Variants in ZNF423 observed in about 807,000 individuals in gnomAD.
The protein encoded by ZNF423 is zinc finger protein 423.
In ZNF423, 12 loss-of-function variants were observed where a neutral mutation model predicts 95.8. The ratio of observed to expected loss-of-function variants is 0.13; its 90% CI spans 0.08 to 0.20. The LOEUF (loss-of-function observed/expected upper bound fraction) is 0.20, where lower values mean the gene tolerates loss of function less well. ZNF423 is among the 10% of genes least tolerant of loss of function. The pLI, the probability that ZNF423 is intolerant of heterozygous loss-of-function variation, is 1.00. For synonymous variants in ZNF423, 749 were observed against 711.9 expected (o/e 1.05, Z -0.83); for missense variants, 1,316 against 1,737.1 (o/e 0.76, Z 4.31).
chr16:49,730,728 C>G (rs767985945), intron 3 of ZNF423, 43 bp downstream of exon 3: 1 of 1,604,080 alleles, frequency 6.2e-7, no homozygotes, highest in Non-Finnish European at 8.5e-7. Context: ...GTCCAATTAC[C>G]CGTGTAACCA....
chr16:49,827,014 ATAGT>A (rs2035011888), intron 1 of ZNF423: 1 of 152,190 alleles, frequency 6.6e-6, no homozygotes, highest in South Asian at 2.1e-4. Context: ...TTTCTTCTCT[ATAGT>A]TTTGTGTAGT....
At position 49,634,454 on chromosome 16, in the gene ZNF423, G is replaced by A. The variant is rs1187999138; in HGVS notation, c.3516+1206C>T. On this transcript the variant is annotated intron_variant, in intron 4 of 7. Coordinates refer to ENST00000563137, the MANE Select transcript of ZNF423 (RefSeq NM_001379286.1). ...CCTGTGTGTAACACCAGAAGTCAAG[G>A]TCAGCAGGCACTGAGGCCCCTTCCG... 2.0e-5 allele frequency among the ~76,000 whole-genome samples: 3 copies of A among 152,048 alleles called. No homozygotes were observed. The South Asian group carries it at 6.2e-4, about 31-fold the overall frequency.
intron 1 of ZNF423, among the ~76,000 whole-genome samples, chr16:49,841,527 A>G (rs2035182585): frequency 6.6e-6 from 1 of 152,216 alleles, no homozygotes; most frequent in African/African-American, 2.4e-5. Flanking sequence ...AGGGGTGCCC[A>G]TTAGAGGCTA....
intron 1 of ZNF423, among the ~76,000 whole-genome samples, chr16:49,807,639 T>C (rs2034686238): frequency 6.6e-6 from 1 of 152,180 alleles, no homozygotes; most frequent in South Asian, 2.1e-4. Context: ...CTTGGCCCCA[T>C]TGCCCACCCA....
At chr16:49,660,264 G>A (rs2030138257) in intron 3 of ZNF423, among the ~76,000 whole-genome samples, 1 of 152,188 alleles carries the variant, frequency 6.6e-6, no homozygotes, top group African/African-American at 2.4e-5. Context: ...CTTGGTAACT[G>A]TGGCATGAAT....
intron 4 of ZNF423, among the ~76,000 whole-genome samples, chr16:49,629,445 T>G (rs775629225): frequency 6.6e-6 from 1 of 152,186 alleles, no homozygotes; most frequent in Non-Finnish European, 1.5e-5. Flanking sequence ...CACCCACAGT[T>G]CCCTAAGTAA....
intron 5 of ZNF423, among the ~76,000 whole-genome samples, chr16:49,590,887 G>A (rs889022990): frequency 2.6e-5 from 4 of 152,196 alleles, no homozygotes; most frequent in Non-Finnish European, 5.9e-5. Flanking sequence ...AGAGAAGGAG[G>A]GGAAAGTCAC....
chr16:49,511,622 G>A (rs1217722287), intron 7 of ZNF423, among the ~76,000 whole-genome samples: 1 of 152,222 alleles, frequency 6.6e-6, no homozygotes, highest in East Asian at 1.9e-4. Flanking sequence ...GCTCAGGCCT[G>A]TGCCTTGGGC....
chr16:49,859,157 G>A (rs1410356472), upstream of ZNF423, among the ~76,000 whole-genome samples: 2 of 152,108 alleles, frequency 1.3e-5, no homozygotes, highest in African/African-American at 4.8e-5. Context: ...GGGGTGGTTG[G>A]AGTCCCACGG....
At chr16:49,826,095 C>A (rs1337350517) in intron 1 of ZNF423, among the ~76,000 whole-genome samples, 6 of 152,150 alleles carry the variant, frequency 3.9e-5, no homozygotes, top group African/African-American at 1.4e-4. Flanking sequence ...ACCTGTAGTC[C>A]CAGCTCCTCA....
At chr16:49,593,842 C>T (rs890512065) in intron 5 of ZNF423, among the ~76,000 whole-genome samples, 2 of 152,136 alleles carry the variant, frequency 1.3e-5, no homozygotes, top group Non-Finnish European at 2.9e-5. Context: ...GCCGCGGAGG[C>T]AACACACTAC....
chr16:49,629,689 G>A lies in ZNF423; in HGVS notation c.3517-3435C>T, dbSNP rs976465371. ...TGCACCATGAGCACCCAGAGAGCCA[G>A]GAATGTGTTTTGTCTACCTTTGAGG... is the stretch of plus-strand genomic sequence containing the variant. On this transcript the variant is annotated intron_variant, in intron 4 of 7. Transcript: ENST00000563137. Among the ~76,000 whole-genome samples, 3 of 152,230 alleles carry A rather than the reference G, an allele frequency of 2.0e-5. No homozygotes were observed. In the East Asian group the frequency reaches 5.8e-4, roughly 29 times the overall value.
intron 1 of ZNF423, among the ~76,000 whole-genome samples, chr16:49,799,442 C>T (rs1432716487): frequency 6.6e-6 from 1 of 151,662 alleles, no homozygotes; most frequent in Non-Finnish European, 1.5e-5. Context: ...GAATGCCCAG[C>T]TAGAGCCACA....
chr16:49,645,790 T>C (rs1973149766), intron 3 of ZNF423, among the ~76,000 whole-genome samples: 1 of 152,180 alleles, frequency 6.6e-6, no homozygotes, highest in Non-Finnish European at 1.5e-5. Context: ...CCCATGCTAT[T>C]CTAGCGATAG....
intron 1 of ZNF423, among the ~76,000 whole-genome samples, chr16:49,822,164 C>T (rs1474989481): frequency 6.9e-6 from 1 of 144,282 alleles, no homozygotes; most frequent in East Asian, 2.0e-4. Flanking sequence ...CTAAGTCACC[C>T]CCGCAGGAAT....
At chr16:49,672,931 G>A (rs1414309839) in intron 3 of ZNF423, among the ~76,000 whole-genome samples, 1 of 152,200 alleles carries the variant, frequency 6.6e-6, no homozygotes, top group Non-Finnish European at 1.5e-5. Context: ...CACGCGGTGT[G>A]ATCTATGGGC....
At chr16:49,770,410 G>A (rs1033031896) in intron 2 of ZNF423, among the ~76,000 whole-genome samples, 8 of 152,192 alleles carry the variant, frequency 5.3e-5, no homozygotes, top group African/African-American at 1.9e-4. Context: ...TATAGTGTGA[G>A]CCTGGTGCTA....
intron 5 of ZNF423, 131 bp downstream of exon 5, chr16:49,626,039 G>T: frequency 1.2e-6 from 1 of 840,116 alleles, no homozygotes; most frequent in Non-Finnish European, 2.0e-6. Context: ...TCACTCCCAT[G>T]TGCAATGTCT....
rs745450644 is a variant in ZNF423 at position 49,635,712 on chromosome 16, G to T, written c.3464C>A (p.Thr1155Lys). The change falls in exon 4 of 8, where the codon ACG becomes AAG. Residue 1155 changes from threonine (T) to lysine (K), a missense_variant. By Grantham distance (78) the Thr-to-Lys change is moderately conservative. This residue lies in a region of ZNF423 where 620 missense variants were observed against 775.6 expected (regional missense o/e 0.80). Transcript: ENST00000563137. The surrounding 1 kb of genome is among the most constrained non-coding windows in gnomAD (Gnocchi z 4.8). ...SHMQVDHRDL[T>K]PETSGPRKGT... ...TTTCCGGGGCCCACTGGTCTCCGGC[G>T]TGAGGTCACGGTGGTCCACCTGCAT... 1 of 1,606,082 alleles carries T rather than the reference G, an allele frequency of 6.2e-7. No individual in the cohort carries two copies. The highest frequency in any genetic ancestry group is 2.2e-5 in the East Asian group (1 of 44,774).
Sources: allele counts gnomAD v4.1 joint callset (sites outside exome capture counted in the v4.1 genomes callset), GRCh38; gene constraint gnomAD v4.1.1; regional missense constraint gnomAD v4.1.1; non-coding constraint Gnocchi (gnomAD v3.1); transcripts MANE v1.5; gene names NCBI Gene and HGNC (gene_info 2026-07-23, HGNC 2026-07-21).